Variants in NAV1 observed in about 807,000 individuals in gnomAD.
The protein encoded by NAV1 is neuron navigator 1.
NAV1 carries 18 observed loss-of-function variants against 175.2 expected under a neutral mutation model. The ratio of observed to expected loss-of-function variants is 0.10; its 90% CI spans 0.07 to 0.15. The LOEUF (loss-of-function observed/expected upper bound fraction) is 0.15, where lower values mean the gene tolerates loss of function less well. NAV1 is among the 10% of genes least tolerant of loss of function. The pLI, the probability that NAV1 is intolerant of heterozygous loss-of-function variation, is 1.00. For synonymous variants in NAV1, 897 were observed against 978.7 expected, an observed-to-expected ratio of 0.92 and a Z score of 1.56; for missense variants, 1,731 against 2,436.6, an observed-to-expected ratio of 0.71 and a Z score of 6.10.
intron 1 of NAV1, among the ~76,000 whole-genome samples, chr1:201,564,444 G>A (rs766130642): frequency 6.6e-6 from 1 of 152,058 alleles, no homozygotes; most frequent in African/African-American, 2.4e-5. Flanking sequence ...GCGAAACCCC[G>A]TCTCTACTAA....
chr1:201,627,075 A>C (rs1668350651), intron 1 of NAV1, among the ~76,000 whole-genome samples: 1 of 152,042 alleles, frequency 6.6e-6, no homozygotes. Context: ...GACTGTAACT[A>C]TTTCTTTTTT....
At chr1:201,798,695 C>CTTTTTTT (rs764483919) in intron 15 of NAV1, 96 of 69,506 alleles carry the variant, frequency 1.4e-3, no homozygotes, top group African/African-American at 2.3e-3. Flanking sequence ...TTTTCTCTCT[C>CTTTTTTT]TTTTTTTTTT....
chr1:201,767,238 G>A (rs1675263750), intron 3 of NAV1, among the ~76,000 whole-genome samples: 2 of 151,930 alleles, frequency 1.3e-5, no homozygotes, highest in Admixed American at 6.5e-5. Flanking sequence ...AGATCACAAG[G>A]TCAGGAGTTT....
chr1:201,567,497 A>G (rs1246753896), intron 1 of NAV1, among the ~76,000 whole-genome samples: 1 of 152,140 alleles, frequency 6.6e-6, no homozygotes, highest in East Asian at 1.9e-4. Context: ...GAGCTCAGCC[A>G]CCCCTCTTGG....
At chr1:201,662,267 C>T (rs913948339) in intron 1 of NAV1, among the ~76,000 whole-genome samples, 1 of 152,268 alleles carries the variant, frequency 6.6e-6, no homozygotes, top group Admixed American at 6.5e-5. Flanking sequence ...CCTAGAACAT[C>T]CCTGGACCCA....
At chr1:201,543,516 CT>C (rs1557989849) in intron 1 of NAV1, among the ~76,000 whole-genome samples, 2 of 148,420 alleles carry the variant, frequency 1.3e-5, no homozygotes, top group Admixed American at 1.3e-4. Flanking sequence ...TTTTTTTTAT[CT>C]GCAAAGTTTC....
chr1:201,551,109 C>T (rs1416314116), intron 1 of NAV1, among the ~76,000 whole-genome samples: 7 of 152,350 alleles, frequency 4.6e-5, no homozygotes, highest in Admixed American at 4.6e-4. Flanking sequence ...AAGTAACTTA[C>T]CCAAAGCCAC....
At chr1:201,583,414 A>G (rs1224790148) in intron 1 of NAV1, among the ~76,000 whole-genome samples, 3 of 152,208 alleles carry the variant, frequency 2.0e-5, no homozygotes, top group South Asian at 2.1e-4. Flanking sequence ...TCCCGCTCCC[A>G]TTATCTGTAG....
At chr1:201,639,933 G>A (rs892440010) in intron 2 of NAV1, among the ~76,000 whole-genome samples, 4 of 152,122 alleles carry the variant, frequency 2.6e-5, no homozygotes, top group African/African-American at 9.7e-5. Context: ...GCTCATCCCT[G>A]CTCTATCCTT....
chr1:201,648,162 C>A, upstream of NAV1: 1 of 854,954 alleles, frequency 1.2e-6, no homozygotes, highest in Non-Finnish European at 1.4e-6. Flanking sequence ...TCCCTCCTTC[C>A]TCTGCTCGGA....
At chr1:201,556,659 C>T (rs972113808) in intron 1 of NAV1, among the ~76,000 whole-genome samples, 9 of 152,166 alleles carry the variant, frequency 5.9e-5, no homozygotes, top group African/African-American at 2.2e-4. Flanking sequence ...GACTCTTCCC[C>T]TCTGCTGTCC....
exon 1 of NAV1, chr1:201,623,201 C>G: frequency 1.0e-6 from 1 of 985,990 alleles, no homozygotes; most frequent in Non-Finnish European, 1.2e-6. Flanking sequence ...CCCAGGACAA[C>G]CCCGAAAGCA....
At chr1:201,755,834 C>T (rs999023218) in intron 3 of NAV1, among the ~76,000 whole-genome samples, 4 of 152,150 alleles carry the variant, frequency 2.6e-5, no homozygotes, top group Middle Eastern at 3.4e-3. Context: ...GGGCTGGGCA[C>T]GGTGGCTCAC....
intron 3 of NAV1, among the ~76,000 whole-genome samples, chr1:201,745,786 G>T (rs1571922791): frequency 6.6e-6 from 1 of 152,140 alleles, no homozygotes; most frequent in East Asian, 1.9e-4. Context: ...ATAAAGAAGA[G>T]CTGCTAATGA....
chr1:201,668,698 T>C (rs1669922646), intron 1 of NAV1, among the ~76,000 whole-genome samples: 1 of 152,130 alleles, frequency 6.6e-6, no homozygotes, highest in South Asian at 2.1e-4. Flanking sequence ...GCCACCTCTG[T>C]AGTGTATAAA....
intron 2 of NAV1, among the ~76,000 whole-genome samples, chr1:201,635,501 G>A (rs1185454333): frequency 3.3e-5 from 5 of 152,170 alleles, no homozygotes; most frequent in Non-Finnish European, 5.9e-5. Flanking sequence ...GCAGCTGTAC[G>A]TGATCTACAT....
chr1:201,593,230 C>T (rs1020651808), intron 2 of NAV1, among the ~76,000 whole-genome samples: 13 of 152,214 alleles, frequency 8.5e-5, no homozygotes, highest in African/African-American at 3.1e-4. Flanking sequence ...CCTTTTCCAG[C>T]CCCATCGTCT....
chr1:201,620,453 C>CTTTT (rs71861939), upstream of NAV1, among the ~76,000 whole-genome samples: 1,096 of 94,526 alleles, frequency 0.012, 129 homozygotes, highest in African/African-American at 0.043. Flanking sequence ...GACATATACT[C>CTTTT]TTTTTTTTTT....
chr1:201,757,532 G>T (rs1674589883), intron 3 of NAV1, among the ~76,000 whole-genome samples: 1 of 152,178 alleles, frequency 6.6e-6, no homozygotes, highest in African/African-American at 2.4e-5. Context: ...ATGAGCTGCT[G>T]CATTCTGCCT....
Sources: allele counts gnomAD v4.1 joint callset (sites outside exome capture counted in the v4.1 genomes callset), GRCh38; gene constraint gnomAD v4.1.1; transcripts MANE v1.5; gene names NCBI Gene and HGNC (gene_info 2026-07-23, HGNC 2026-07-21).